The following C8orf33 variants were observed in gnomAD, a reference collection of about 807,000 sequenced individuals.
C8orf33 encodes the protein chromosome 8 open reading frame 33.
Under a neutral mutation model 25.7 loss-of-function variants are expected in C8orf33, and 28 were observed. The observed-to-expected ratio is 1.09, with a 90% CI of 0.81 to 1.49. The LOEUF (loss-of-function observed/expected upper bound fraction) is 1.49. Among genes scored for constraint, C8orf33 ranks in the 40% most tolerant of loss-of-function variants. C8orf33 has a pLI of 0.00. For missense variants in C8orf33, 369 were observed against 294.4 expected (o/e 1.25, Z -1.85); for synonymous variants, 153 against 115.9 (o/e 1.32, Z -2.06).
rs1228712413 is a variant in C8orf33 at position 145,054,029 on chromosome 8, G to A, written c.562G>A (p.Ala188Thr). 1 of 1,613,822 alleles carries A rather than the reference G, an allele frequency of 6.2e-7. No homozygotes were observed. The highest frequency in any genetic ancestry group is 1.3e-5 in the African/African-American group (1 of 74,882). Residue 188 changes from alanine (A) to threonine (T), a missense_variant, in exon 5 of 5, where the codon GCC becomes ACC. Transcript: ENST00000331434. ...LRALRAAAYS[A>T]QVQPVDGATR... ...TCTCTCCCCGACAGCTGCTTATTCA[G>A]CCCAGGTGCAACCTGTAGATGGAGC...
At position 145,054,425 on chromosome 8, in the gene C8orf33, A is replaced by C. The variant is rs150598133; in HGVS notation, c.*268A>C. The C allele has an allele frequency of 8.9e-4, 331 of 371,024 alleles. 3 individuals are homozygous for C. Among genetic ancestry groups the C allele is most frequent in the African/African-American group, 6.5e-3 (315 of 48,788 alleles). 23.0% of individuals were successfully genotyped at this position (371,024 alleles called of 1,614,324 possible). ...GCAATAAATTGAAGTGAGTGTTCAA[A>C]GTATTGTAGAAGGAATATTGTACTC... On this transcript the variant is annotated 3_prime_UTR_variant, in exon 5 of 5. Coordinates refer to ENST00000331434, the MANE Select transcript of C8orf33 (RefSeq NM_023080.3).
At position 145,052,498 on chromosome 8, in the gene C8orf33, G is replaced by A. The variant is rs757736460; in HGVS notation, c.6+1G>A. ...CCGGTGGCGACTGCGGCGCATGGCG[G>A]TGAGCGGTGTGGAGAAGACGCGCGG... On this transcript the variant is annotated splice_donor_variant, in intron 1 of 4. Coordinates refer to ENST00000331434, the MANE Select transcript of C8orf33 (RefSeq NM_023080.3). LOFTEE classifies it high-confidence loss of function. 1.9e-6 allele frequency: 3 copies of A among 1,599,296 alleles called. No homozygotes were observed. Among genetic ancestry groups the A allele is most frequent in the East Asian group, 2.2e-5 (1 of 44,850 alleles).
At chr8:145,053,846 A>G (rs1835316471) in intron 4 of C8orf33, 172 bp from the exon 5 acceptor site, 4 of 836,862 alleles carry the variant, frequency 4.8e-6, no homozygotes, top group Non-Finnish European at 7.5e-6. Flanking sequence ...CCTTTTGCAA[A>G]CTACTGAACC....
At position 145,053,317 on chromosome 8, in the gene C8orf33, A is replaced by C; in HGVS notation, c.424A>C (p.Ile142Leu). ...PKQKEQAIGA[I>L]RTLRSKRTPL... Reference sequence around the variant, plus strand: ...CGCAGAAGAGCAGGCTATTGGAGCAATCCGAACCCTGCGCAGCAAAAGAAC... The same window carrying C: ...CGCAGAAGAGCAGGCTATTGGAGCACTCCGAACCCTGCGCAGCAAAAGAAC... Residue 142 changes from isoleucine to leucine, a missense_variant, in exon 4 of 5, where the codon ATC (isoleucine) becomes CTC (leucine). Ile to Leu is a conservative substitution (Grantham distance 5). Coordinates refer to ENST00000331434, the MANE Select transcript of C8orf33 (RefSeq NM_023080.3). The C allele has an allele frequency of 6.2e-7, 1 of 1,614,210 alleles. No homozygotes were observed. The highest frequency in any genetic ancestry group is 8.5e-7 in the Non-Finnish European group (1 of 1,180,028).
Position 145,052,871 on chromosome 8 carries a change from G to T in C8orf33, c.292G>T (p.Glu98Ter), listed in dbSNP as rs1157654367. The stretch of plus-strand genomic sequence containing the variant: ...GGCCTCAGAGAAACTCGCCCCAGAA[G>T]AAGTTCCCCTAAGCGCTGAGGCCCA... ...EKASEKLAPE[E>*]VPLSAEAQAQ... The change falls in exon 2 of 5, where the codon GAA becomes TAA. Residue 98 changes from glutamate (E) to a stop codon, truncating the protein, a stop_gained. Transcript: ENST00000331434. LOFTEE classifies it high-confidence loss of function. The T allele has an allele frequency of 1.2e-6, 2 of 1,613,220 alleles. No individual in the cohort carries two copies. Among genetic ancestry groups the T allele is most frequent in the Non-Finnish European group, 1.7e-6 (2 of 1,179,776 alleles).
At position 145,052,512 on chromosome 8, in the gene C8orf33, G is replaced by T; in HGVS notation, c.6+15G>T. Reference sequence around the variant, plus strand: ...GGCGCATGGCGGTGAGCGGTGTGGAGAAGACGCGCGGGTGGCTGGGCCTTG... The same window carrying T: ...GGCGCATGGCGGTGAGCGGTGTGGATAAGACGCGCGGGTGGCTGGGCCTTG... On this transcript the variant is annotated intron_variant, in intron 1 of 4. Transcript: ENST00000331434. 6.3e-7 allele frequency: 1 copy of T among 1,599,974 alleles called. No homozygotes were observed. The highest frequency in any genetic ancestry group is 1.1e-5 in the South Asian group (1 of 91,038).
At chr8:145,053,567 C>A in intron 4 of C8orf33, 124 bp downstream of exon 4, 1 of 963,006 alleles carries the variant, frequency 1.0e-6, no homozygotes, top group East Asian at 2.6e-5. Flanking sequence ...TCAGGGAAGC[C>A]TGAGGGAGCA....
intron 3 of C8orf33, 33 bp downstream of exon 3, chr8:145,053,179 G>A (rs1407875046): frequency 6.2e-7 from 1 of 1,613,972 alleles, no homozygotes; most frequent in Non-Finnish European, 8.5e-7. Flanking sequence ...TGGGGGATGT[G>A]AACAGTGGCA....
At chr8:145,053,684 C>T (rs930943577) in intron 4 of C8orf33, 7 of 588,898 alleles carry the variant, frequency 1.2e-5, no homozygotes, top group African/African-American at 1.9e-5. Context: ...TATGTTGGTC[C>T]TGCTCCTGGG....
chr8:145,053,478 C>G (rs1040854377), intron 4 of C8orf33, 35 bp downstream of exon 4: 10 of 1,609,474 alleles, frequency 6.2e-6, no homozygotes, highest in Non-Finnish European at 7.6e-6. Context: ...TCAGGAAGGC[C>G]TAACTTAAGG....
At chr8:145,053,001 G>A in intron 2 of C8orf33, 61 bp from the exon 3 acceptor site, 1 of 1,610,384 alleles carries the variant, frequency 6.2e-7, no homozygotes, top group East Asian at 2.2e-5. Context: ...GGCATGGGAT[G>A]GGGCCGGCGG....
intron 3 of C8orf33, 68 bp downstream of exon 3, chr8:145,053,214 G>A: frequency 6.2e-7 from 1 of 1,612,914 alleles, no homozygotes; most frequent in Non-Finnish European, 8.5e-7. Flanking sequence ...GGTGCTGGCA[G>A]AGTATGGAGT....
In C8orf33 at chr8:145,054,198, G is replaced by T; in HGVS notation, c.*41G>T. The T allele has an allele frequency of 6.2e-7, 1 of 1,604,080 alleles. No homozygotes were observed. Among genetic ancestry groups the T allele is most frequent in the Non-Finnish European group, 8.5e-7 (1 of 1,175,292 alleles). The stretch of plus-strand genomic sequence containing the variant: ...GAAACAATCCCCCTCCCTTGGGGTG[G>T]TGTAGGGGTTTGTTTTGAGTGCAGA... On this transcript the variant is annotated 3_prime_UTR_variant, in exon 5 of 5. Coordinates refer to ENST00000331434, the MANE Select transcript of C8orf33 (RefSeq NM_023080.3).
Position 145,055,297 on chromosome 8 carries a change from TATA to T in C8orf33, c.*1146_*1148del, listed in dbSNP as rs1425545821. 2 of 152,168 alleles carry T rather than the reference TATA, an allele frequency of 1.3e-5. No homozygotes were observed. Among genetic ancestry groups the T allele is most frequent in the African/African-American group, 4.8e-5 (2 of 41,414 alleles). 9.4% of individuals were successfully genotyped at this position (152,168 alleles called of 1,614,324 possible). Reference sequence around the variant, plus strand: ...TAGCAATTACTCTTTATTCCAATATTATAATAATCCTCACTCTACAATCATAAC... The same window carrying T: ...TAGCAATTACTCTTTATTCCAATATTATAATCCTCACTCTACAATCATAAC... On this transcript the variant is annotated 3_prime_UTR_variant, in exon 5 of 5. Transcript: ENST00000331434.
Position 145,053,597 on chromosome 8 carries a change from C to A in C8orf33, c.550+154C>A. The A allele has an allele frequency of 4.2e-6, 3 of 717,652 alleles. No individual in the cohort carries two copies. In the South Asian group the frequency reaches 5.7e-5, roughly 14 times the overall value. The allele number at this position is 717,652 out of a possible 1,614,324, so 44.5% of individuals were successfully genotyped here. A position where few individuals can be genotyped will look rare whatever the true frequency, so the allele number is the denominator to read the frequency against. ...GGAGCAGGGAAACAGAAAGCGTGGA[C>A]CTCTCTTTCCTCTTCCTAGGACTGA... On this transcript the variant is annotated intron_variant, in intron 4 of 4. Transcript: ENST00000331434.
chr8:145,052,471 T>C lies in C8orf33; in HGVS notation c.-21T>C. 6.3e-7 allele frequency: 1 copy of C among 1,597,440 alleles called. No individual in the cohort carries two copies. The highest frequency in any genetic ancestry group is 1.1e-5 in the South Asian group (1 of 90,968). On this transcript the variant is annotated 5_prime_UTR_variant, in exon 1 of 5. Coordinates refer to ENST00000331434, the MANE Select transcript of C8orf33 (RefSeq NM_023080.3). ...GCGTCGGACTCTGCGCCCCGCGTAG[T>C]TCCGGTGGCGACTGCGGCGCATGGC...
rs921212647 is a variant in C8orf33, at chr8:145,054,239, C to G, written c.*82C>G. 6.7e-6 allele frequency: 10 copies of G among 1,501,322 alleles called. 1 individual carries two copies. In the African/African-American group the frequency reaches 1.3e-4, roughly 19 times the overall value. The allele number at this position is 1,501,322 out of a possible 1,614,324, so 93.0% of individuals were successfully genotyped here. On this transcript the variant is annotated 3_prime_UTR_variant, in exon 5 of 5. Coordinates refer to ENST00000331434, the MANE Select transcript of C8orf33 (RefSeq NM_023080.3). ...TGAGTGCAGAGCCTTTCCAGGACTT[C>G]TGTTGTCAGAGAACCCTGGAGTTGG... is the stretch of plus-strand genomic sequence containing the variant.
In C8orf33 at chr8:145,054,349, A is replaced by C. The variant is rs76892209; in HGVS notation, c.*192A>C. ...GGCAAAAGACCCCGTTCGTTTTCTG[A>C]TGAAATGTTCTCTCTTTCAGAAGAG... On this transcript the variant is annotated 3_prime_UTR_variant, in exon 5 of 5. Coordinates refer to ENST00000331434, the MANE Select transcript of C8orf33 (RefSeq NM_023080.3). 13,450 of 533,268 alleles carry C rather than the reference A, an allele frequency of 0.025. 241 individuals are homozygous for C. The highest frequency in any genetic ancestry group is 0.044 in the Middle Eastern group (90 of 2,040). 33.0% of individuals were successfully genotyped at this position (533,268 alleles called of 1,614,324 possible).
At chr8:145,053,960 C>A (rs1835318412) in intron 4 of C8orf33, 58 bp from the exon 5 acceptor site, 3 of 1,565,768 alleles carry the variant, frequency 1.9e-6, no homozygotes, top group Non-Finnish European at 2.6e-6. Flanking sequence ...CATAACTGTA[C>A]AGGTAATGTT....
Sources: gnomAD v4.1 joint callset for allele counts on GRCh38, gnomAD v4.1.1 for gene constraint, MANE v1.5 for transcripts, NCBI Gene and HGNC (gene_info 2026-07-23, HGNC 2026-07-21) for gene names.